Variants in LNP1 observed in about 807,000 individuals in gnomAD.
The protein encoded by LNP1 is leukemia NUP98 fusion partner 1.
In LNP1, 12 loss-of-function variants were observed where a neutral mutation model predicts 14.5. That is an observed-to-expected ratio of 0.83 (90% CI 0.53 to 1.34). LNP1 has a LOEUF of 1.34. Among genes scored for constraint, LNP1 ranks in the 40% most tolerant of loss-of-function variants. The pLI is 0.00. For missense variants in LNP1, 198 were observed against 210.9 expected, an observed-to-expected ratio of 0.94 and a Z score of 0.38; for synonymous variants, 75 against 71.4, an observed-to-expected ratio of 1.05 and a Z score of -0.26.
chr3:100,437,678 T>C (rs989247783), intron 2 of LNP1, among the ~76,000 whole-genome samples: 2 of 152,206 alleles, frequency 1.3e-5, no homozygotes, highest in African/African-American at 2.4e-5. Context: ...CATTAGACTA[T>C]GTTATAAAAT....
intron 1 of LNP1, among the ~76,000 whole-genome samples, chr3:100,427,268 AAT>A (rs753266287): frequency 2.0e-5 from 3 of 152,032 alleles, no homozygotes; most frequent in Non-Finnish European, 4.4e-5. Flanking sequence ...GTGTTTTGGG[AAT>A]GTTTGGGCCC....
At chr3:100,449,697 A>G (rs1302842103) in intron 2 of LNP1, among the ~76,000 whole-genome samples, 2 of 152,228 alleles carry the variant, frequency 1.3e-5, no homozygotes, top group Non-Finnish European at 2.9e-5. Context: ...CCTTTTAAAT[A>G]CAAACACACA....
At chr3:100,434,526 T>TC (rs1216111406) in intron 2 of LNP1, among the ~76,000 whole-genome samples, 1 of 151,748 alleles carries the variant, frequency 6.6e-6, no homozygotes, top group Non-Finnish European at 1.5e-5. Flanking sequence ...CTTTTTTTTT[T>TC]CTTCTTTTTT....
At chr3:100,426,853 T>C (rs1707197877) in intron 1 of LNP1, among the ~76,000 whole-genome samples, 1 of 152,190 alleles carries the variant, frequency 6.6e-6, no homozygotes, top group Non-Finnish European at 1.5e-5. Flanking sequence ...TTTCCCTAAC[T>C]GGGGTAATCC....
intron 2 of LNP1, among the ~76,000 whole-genome samples, chr3:100,444,199 A>G (rs961316024): frequency 6.6e-6 from 1 of 152,192 alleles, no homozygotes; most frequent in African/African-American, 2.4e-5. Flanking sequence ...AGCTGATTAT[A>G]AAACCACCTC....
chr3:100,422,977 G>T (rs1207570024), intron 1 of LNP1, among the ~76,000 whole-genome samples: 1 of 152,014 alleles, frequency 6.6e-6, no homozygotes, highest in Non-Finnish European at 1.5e-5. Context: ...CACCTCAAAA[G>T]AGTGGCAGAC....
intron 2 of LNP1, among the ~76,000 whole-genome samples, chr3:100,432,666 A>G (rs76112403): frequency 0.038 from 5,734 of 152,326 alleles, 392 homozygotes; most frequent in East Asian, 0.31. Flanking sequence ...GAAGTCTCTC[A>G]TTATTAAACT....
intron 1 of LNP1, among the ~76,000 whole-genome samples, chr3:100,426,443 G>A (rs763016204): frequency 6.6e-6 from 1 of 152,156 alleles, no homozygotes; most frequent in Non-Finnish European, 1.5e-5. Context: ...AGAAGATACA[G>A]GGCCAAACGG....
intron 1 of LNP1, among the ~76,000 whole-genome samples, chr3:100,421,000 TAA>T (rs1707139039): frequency 1.3e-5 from 2 of 152,022 alleles, no homozygotes; most frequent in Admixed American, 6.6e-5. Flanking sequence ...TTTTTTGAGA[TAA>T]GAGTCTTGCT....
At chr3:100,426,200 A>G (rs1707191424) in intron 1 of LNP1, among the ~76,000 whole-genome samples, 1 of 152,166 alleles carries the variant, frequency 6.6e-6, no homozygotes, top group Non-Finnish European at 1.5e-5. Context: ...TCTGCAAGTG[A>G]TCCATGTGAT....
intron 1 of LNP1, among the ~76,000 whole-genome samples, chr3:100,409,958 TCTATC>T (rs1204533853): frequency 4.2e-5 from 5 of 118,450 alleles, no homozygotes; most frequent in African/African-American, 1.5e-4. Context: ...ATAGCTTACA[TCTATC>T]TATCTATCTA....
intron 1 of LNP1, among the ~76,000 whole-genome samples, chr3:100,421,610 T>A (rs1470956288): frequency 6.6e-6 from 1 of 152,212 alleles, no homozygotes; most frequent in Non-Finnish European, 1.5e-5. Flanking sequence ...ACTTTTAAGA[T>A]GTTTCCACAT....
chr3:100,450,398 A>T (rs1707426962), intron 2 of LNP1, among the ~76,000 whole-genome samples: 2 of 148,674 alleles, frequency 1.3e-5, no homozygotes, highest in South Asian at 4.2e-4. Context: ...CAATAGCGTG[A>T]TCTCGGCTCA....
rs991385974 is a variant in LNP1, at chr3:100,401,614, G to C, written c.-859G>C. ...AGCACGGTTTTCTGCCCGCGTGCCC[G>C]AGAAACCAACGGATTAGAAGGACTT... On this transcript the variant is annotated 5_prime_UTR_variant, in exon 1 of 4. Transcript: ENST00000383693. 6.6e-6 allele frequency: 1 copy of C among 152,530 alleles called. No homozygotes were observed. The highest frequency in any genetic ancestry group is 2.4e-5 in the African/African-American group (1 of 41,442). The allele number at this position is 152,530 out of a possible 1,614,324, so 9.4% of individuals were successfully genotyped here. A position where few individuals can be genotyped will look rare whatever the true frequency, so the allele number is the denominator to read the frequency against.
At chr3:100,417,989 T>A (rs1226232008) in intron 1 of LNP1, among the ~76,000 whole-genome samples, 1 of 152,024 alleles carries the variant, frequency 6.6e-6, no homozygotes, top group Non-Finnish European at 1.5e-5. Context: ...TATTTCTAAT[T>A]CTTTCCTGAG....
intron 2 of LNP1, among the ~76,000 whole-genome samples, chr3:100,437,646 GTCCTCT>G (rs1459907930): frequency 6.6e-6 from 1 of 152,102 alleles, no homozygotes; most frequent in Non-Finnish European, 1.5e-5. Flanking sequence ...CTCATTTGTA[GTCCTCT>G]TGGCTCTGAT....
At chr3:100,422,803 C>CTTTTTT (rs557593118) in intron 1 of LNP1, among the ~76,000 whole-genome samples, 4 of 69,054 alleles carry the variant, frequency 5.8e-5, no homozygotes, top group East Asian at 5.5e-4. Flanking sequence ...TTTGTCTCCT[C>CTTTTTT]TTTTTTTTTT....
At chr3:100,433,911 T>G (rs912865700) in intron 2 of LNP1, among the ~76,000 whole-genome samples, 2 of 152,166 alleles carry the variant, frequency 1.3e-5, no homozygotes, top group African/African-American at 4.8e-5. Flanking sequence ...TTGATGGGTT[T>G]GTTTGTTTGT....
chr3:100,408,945 T>C (rs1000482856), intron 1 of LNP1, among the ~76,000 whole-genome samples: 2 of 152,224 alleles, frequency 1.3e-5, no homozygotes, highest in Admixed American at 6.5e-5. Context: ...GTGAAGGTAT[T>C]TTATACATAG....
Sources: gnomAD v4.1 joint callset for allele counts (sites outside exome capture counted in the v4.1 genomes callset) on GRCh38, gnomAD v4.1.1 for gene constraint, MANE v1.5 for transcripts, NCBI Gene and HGNC (gene_info 2026-07-23, HGNC 2026-07-21) for gene names.